ITGA9: variants seen among roughly 807,000 people sequenced by gnomAD.
ITGA9 encodes the protein integrin alpha-9.
In ITGA9, 56 loss-of-function variants were observed where a neutral mutation model predicts 127.8. The observed-to-expected ratio is 0.44, with a 90% CI of 0.35 to 0.55. The LOEUF (loss-of-function observed/expected upper bound fraction) is 0.55. ITGA9 is among the 20% of genes least tolerant of loss of function. The pLI is 0.00. For synonymous variants in ITGA9, 508 were observed against 514.5 expected, an observed-to-expected ratio of 0.99 and a Z score of 0.17; for missense variants, 1,196 against 1,347.1, an observed-to-expected ratio of 0.89 and a Z score of 1.76.
In ITGA9 at chr3:37,517,509, C is replaced by A; in HGVS notation, c.1041C>A (p.Ala347=). Residue 347 remains alanine (A), a synonymous_variant, in exon 10 of 28, where the codon GCC becomes GCA. Transcript: ENST00000264741. ...VTVYINRGNG[A]LEEQLALTGD... is the part of the protein sequence containing the mutation. ...TCCTCCATCCTGTTTCCCAGGGAGC[C>A]CTCGAGGAGCAGCTGGCTCTGACTG... 6.3e-7 allele frequency: 1 copy of A among 1,587,944 alleles called. No individual in the cohort carries two copies. Among genetic ancestry groups the A allele is most frequent in the East Asian group, 2.3e-5 (1 of 43,898 alleles).
At chr3:37,551,631 T>C (rs1361468899) in intron 15 of ITGA9, among the ~76,000 whole-genome samples, 2 of 152,194 alleles carry the variant, frequency 1.3e-5, no homozygotes, top group African/African-American at 4.8e-5. Context: ...ACGGCATCCA[T>C]TCCTAAGGTC....
chr3:37,483,504 A>T (rs1698577768), intron 4 of ITGA9, among the ~76,000 whole-genome samples: 1 of 152,122 alleles, frequency 6.6e-6, no homozygotes, highest in South Asian at 2.1e-4. Context: ...GGGAAGTAAG[A>T]ATGGGAAGGG....
At chr3:37,643,369 C>G (rs1196366094) in intron 16 of ITGA9, among the ~76,000 whole-genome samples, 3 of 152,156 alleles carry the variant, frequency 2.0e-5, no homozygotes, top group Non-Finnish European at 4.4e-5. Flanking sequence ...AGAAGTCTGG[C>G]CTTATCTGTC....
At chr3:37,650,489 A>G (rs575927334) in intron 16 of ITGA9, among the ~76,000 whole-genome samples, 194 of 151,842 alleles carry the variant, frequency 1.3e-3, no homozygotes, top group African/African-American at 4.3e-3. Flanking sequence ...CTGGAGTGCA[A>G]TGGTTGGTCT....
At chr3:37,524,965 G>C (rs1476841785) in intron 12 of ITGA9, among the ~76,000 whole-genome samples, 1 of 152,214 alleles carries the variant, frequency 6.6e-6, no homozygotes, top group Non-Finnish European at 1.5e-5. Flanking sequence ...ACACCCAAGT[G>C]GAGAAATTTT....
intron 22 of ITGA9, chr3:37,748,448 A>G: frequency 1.7e-6 from 1 of 589,876 alleles, no homozygotes; most frequent in Non-Finnish European, 3.2e-6. Context: ...AAGGAAAATG[A>G]TCAGAAAAAG....
Position 37,523,619 on chromosome 3 carries a change from GT to G in ITGA9, c.1327+13del. On this transcript the variant is annotated intron_variant, in intron 12 of 27. Transcript: ENST00000264741. ...ATGGAAATGGCTATCCTGGTAAGCT[GT>G]TTTTCTTTAAAGGCACATGAGATAA... is the stretch of plus-strand genomic sequence containing the variant. The G allele has an allele frequency of 6.3e-7, 1 of 1,597,926 alleles. No homozygotes were observed. The highest frequency in any genetic ancestry group is 8.6e-7 in the Non-Finnish European group (1 of 1,165,418).
rs552607455 is a variant in ITGA9 at position 37,537,116 on chromosome 3, G to A, written c.1528+3648G>A. ...CTTCCTTGGGGTTATCAGAACCTAT[G>A]AGCTTGGAGAAGGGGCCCTGCGGAG... On this transcript the variant is annotated intron_variant, in intron 14 of 27. Coordinates refer to ENST00000264741, the MANE Select transcript of ITGA9 (RefSeq NM_002207.3). Among the ~76,000 whole-genome samples the A allele has an allele frequency of 9.8e-5, 15 of 152,332 alleles. No homozygotes were observed. The East Asian group carries it at 2.7e-3, about 27-fold the overall frequency.
intron 12 of ITGA9, 61 bp from the exon 13 acceptor site, chr3:37,525,965 A>G (rs983363296): frequency 1.4e-6 from 2 of 1,431,676 alleles, no homozygotes; most frequent in Non-Finnish European, 2.0e-6. Context: ...GCGCATTCCC[A>G]GGGCGCGGTT....
intron 19 of ITGA9, among the ~76,000 whole-genome samples, chr3:37,736,235 C>T (rs1162173213): frequency 6.6e-6 from 1 of 152,092 alleles, no homozygotes; most frequent in Admixed American, 6.5e-5. Flanking sequence ...TGAGGAGTGG[C>T]GGGGGGACAC....
chr3:37,612,753 G>GT (rs1700035187), intron 15 of ITGA9, among the ~76,000 whole-genome samples: 1 of 152,242 alleles, frequency 6.6e-6, no homozygotes, highest in Admixed American at 6.5e-5. Flanking sequence ...GCAATTCAGA[G>GT]TTGAGGAGCT....
intron 25 of ITGA9, among the ~76,000 whole-genome samples, chr3:37,784,221 C>T (rs553792650): frequency 3.6e-4 from 55 of 152,290 alleles, no homozygotes; most frequent in Middle Eastern, 6.8e-3. Flanking sequence ...TGGCTTCTCC[C>T]CAGACCACAG....
intron 15 of ITGA9, among the ~76,000 whole-genome samples, chr3:37,551,967 C>A (rs925656026): frequency 1.3e-5 from 2 of 152,208 alleles, no homozygotes; most frequent in Admixed American, 6.5e-5. Flanking sequence ...TTCTGGGCAT[C>A]CAGGGCTGGC....
chr3:37,508,675 C>A, intron 8 of ITGA9, 48 bp downstream of exon 8: 2 of 1,485,854 alleles, frequency 1.3e-6, no homozygotes, highest in South Asian at 1.1e-5. Flanking sequence ...GAGATGTGAT[C>A]ATGTGGGAGT....
At chr3:37,604,448 G>C (rs1699948675) in intron 15 of ITGA9, among the ~76,000 whole-genome samples, 1 of 152,234 alleles carries the variant, frequency 6.6e-6, no homozygotes, top group Non-Finnish European at 1.5e-5. Flanking sequence ...AGCAGTTCAT[G>C]GGAATCTATA....
intron 16 of ITGA9, among the ~76,000 whole-genome samples, chr3:37,640,010 A>G (rs1046367689): frequency 6.6e-6 from 1 of 152,134 alleles, no homozygotes; most frequent in Non-Finnish European, 1.5e-5. Flanking sequence ...TCTGAAAATT[A>G]TAACTCTTCT....
intron 16 of ITGA9, among the ~76,000 whole-genome samples, chr3:37,639,501 G>T (rs997603411): frequency 1.3e-5 from 2 of 152,272 alleles, no homozygotes; most frequent in South Asian, 4.1e-4. Context: ...GATGCTAAAG[G>T]TCTCTCACGT....
At chr3:37,740,725 A>G (rs949390336) in intron 20 of ITGA9, among the ~76,000 whole-genome samples, 1 of 152,212 alleles carries the variant, frequency 6.6e-6, no homozygotes, top group Non-Finnish European at 1.5e-5. Flanking sequence ...TGCCCGGCAT[A>G]GTGCCTGGCA....
At chr3:37,658,858 G>C (rs867558281) in intron 17 of ITGA9, among the ~76,000 whole-genome samples, 4 of 152,120 alleles carry the variant, frequency 2.6e-5, no homozygotes, top group African/African-American at 9.7e-5. Flanking sequence ...GCTTCCTTCG[G>C]GAGCTCTTGT....
Sources: gnomAD v4.1 joint callset for allele counts (sites outside exome capture counted in the v4.1 genomes callset) on GRCh38, gnomAD v4.1.1 for gene constraint, MANE v1.5 for transcripts, NCBI Gene and HGNC (gene_info 2026-07-23, HGNC 2026-07-21) for gene names.